TMEM74: variants seen among roughly 807,000 people sequenced by gnomAD.
TMEM74 encodes transmembrane protein 74.
Under a neutral mutation model 18.1 loss-of-function variants are expected in TMEM74, and 13 were observed. That is an observed-to-expected ratio of 0.72 (90% CI 0.47 to 1.14). The LOEUF is 1.14. Ranked by LOEUF, TMEM74 falls within the 50% of genes most tolerant of loss-of-function variation. The probability of loss-of-function intolerance (pLI) is 0.00; values close to 1 mark genes in which losing one functional copy is unlikely to be tolerated. For synonymous variants in TMEM74, 159 were observed against 146.6 expected (o/e 1.08, Z -0.61); for missense variants, 372 against 375.9 (o/e 0.99, Z 0.09).
Position 108,670,612 on chromosome 8 carries a change from A to G in TMEM74, n.120-15175T>C, listed in dbSNP as rs574434662. On this transcript the variant is annotated intron_variant and non_coding_transcript_variant, in intron 1 of 3. Coordinates refer to the TMEM74 transcript ENST00000518838. ...CTCAACTCCCCACAAGATCTTTAAT[A>G]AAACTGGCTCTTCAGAAACAGATTA... 1.4e-3 allele frequency among the ~76,000 whole-genome samples: 210 copies of G among 152,312 alleles called. 1 individual carries two copies. Among genetic ancestry groups the G allele is most frequent in the Admixed American group, 1.7e-3 (26 of 15,274 alleles).
chr8:108,708,879 A>G (rs1014034640), intron 1 of TMEM74, among the ~76,000 whole-genome samples: 2 of 151,562 alleles, frequency 1.3e-5, no homozygotes, highest in Non-Finnish European at 2.9e-5. Flanking sequence ...ACTTGAACAG[A>G]CATTTCTCCA....
intron 2 of TMEM74, among the ~76,000 whole-genome samples, chr8:108,647,258 A>G (rs752076143): frequency 3.3e-5 from 5 of 152,160 alleles, no homozygotes; most frequent in Non-Finnish European, 7.4e-5. Context: ...TTGAAGAAAT[A>G]TCAGTCAAGT....
intron 1 of TMEM74, among the ~76,000 whole-genome samples, chr8:108,759,402 C>A (rs189076873): frequency 1.2e-3 from 182 of 152,050 alleles, no homozygotes; most frequent in Admixed American, 3.9e-3. Flanking sequence ...GTAATTTATT[C>A]TATGAATATA....
intron 1 of TMEM74, 110 bp downstream of exon 1, chr8:108,787,366 C>T (rs57960607): frequency 0.019 from 2,891 of 152,368 alleles, 62 homozygotes; most frequent in African/African-American, 0.045. Context: ...CCGCCTAGTA[C>T]TCGGAGACGA....
At chr8:108,711,047 CTTAT>C (rs1339079427) in intron 1 of TMEM74, among the ~76,000 whole-genome samples, 2 of 152,206 alleles carry the variant, frequency 1.3e-5, no homozygotes, top group African/African-American at 2.4e-5. Context: ...TTACATTCCT[CTTAT>C]TTGTTTTTAC....
intron 1 of TMEM74, among the ~76,000 whole-genome samples, chr8:108,671,656 G>T (rs964177908): frequency 1.6e-4 from 25 of 152,162 alleles, no homozygotes; most frequent in African/African-American, 6.0e-4. Flanking sequence ...AGAGATTAGT[G>T]GTCTGGAAGT....
At chr8:108,633,863 A>C (rs1812579407) in intron 2 of TMEM74, among the ~76,000 whole-genome samples, 1 of 151,970 alleles carries the variant, frequency 6.6e-6, no homozygotes, top group South Asian at 2.1e-4. Flanking sequence ...ATGAGGCATA[A>C]ATTTTCTAAT....
chr8:108,705,250 T>C (rs1813385599), intron 1 of TMEM74, among the ~76,000 whole-genome samples: 1 of 152,152 alleles, frequency 6.6e-6, no homozygotes, highest in Non-Finnish European at 1.5e-5. Flanking sequence ...GACCTAAAAG[T>C]GTGATGGAAG....
At position 108,784,962 on chromosome 8, in the gene TMEM74, C is replaced by T; in HGVS notation, c.137G>A (p.Cys46Tyr). 6.2e-7 allele frequency: 1 copy of T among 1,614,104 alleles called. No individual in the cohort carries two copies. Reference sequence around the variant, plus strand: ...CTCGGTTGCTCTTGGGGTGGATGCACACTGTTTCTGACAGCAGAGAGCAGC... The same window carrying T: ...CTCGGTTGCTCTTGGGGTGGATGCATACTGTTTCTGACAGCAGAGAGCAGC... The part of the protein sequence containing the change: ...TRAALCCQKQ[C>Y]ASTPRATEME... The change falls in exon 2 of 2, where the codon TGT (cysteine) becomes TAT (tyrosine). Residue 46 changes from cysteine to tyrosine, a missense_variant. Cys to Tyr is a radical substitution (Grantham distance 194). Coordinates refer to ENST00000297459, the MANE Select transcript of TMEM74 (RefSeq NM_153015.3).
chr8:108,644,296 C>T (rs574551841), intron 2 of TMEM74, among the ~76,000 whole-genome samples: 1 of 152,116 alleles, frequency 6.6e-6, no homozygotes, highest in African/African-American at 2.4e-5. Flanking sequence ...AACTGGTCAG[C>T]CACATGCAGA....
intron 1 of TMEM74, among the ~76,000 whole-genome samples, chr8:108,717,415 G>A (rs987906921): frequency 1.1e-4 from 17 of 152,020 alleles, no homozygotes; most frequent in African/African-American, 4.1e-4. Context: ...CTACCATATG[G>A]AAGTTTCCTT....
At chr8:108,676,133 A>T (rs1813053934) in intron 1 of TMEM74, among the ~76,000 whole-genome samples, 1 of 152,172 alleles carries the variant, frequency 6.6e-6, no homozygotes, top group East Asian at 1.9e-4. Context: ...GGGGAAAGAT[A>T]TCAGGACTGG....
At chr8:108,674,903 A>C (rs1445834258) in intron 1 of TMEM74, among the ~76,000 whole-genome samples, 2 of 152,146 alleles carry the variant, frequency 1.3e-5, no homozygotes, top group African/African-American at 4.8e-5. Context: ...TGTCACTCAA[A>C]TATCTCAGTT....
chr8:108,723,063 C>T (rs1334869808), intron 1 of TMEM74, among the ~76,000 whole-genome samples: 1 of 152,162 alleles, frequency 6.6e-6, no homozygotes, highest in Non-Finnish European at 1.5e-5. Context: ...GCATCTCTTT[C>T]CTGGGCTGGG....
intron 1 of TMEM74, among the ~76,000 whole-genome samples, chr8:108,748,469 G>T (rs1040373869): frequency 6.6e-6 from 1 of 151,690 alleles, no homozygotes; most frequent in Non-Finnish European, 1.5e-5. Context: ...GATATTAGAC[G>T]TTTGTCACAT....
At chr8:108,737,731 T>A (rs1813762620) in intron 1 of TMEM74, among the ~76,000 whole-genome samples, 1 of 152,142 alleles carries the variant, frequency 6.6e-6, no homozygotes, top group Non-Finnish European at 1.5e-5. Context: ...AGACATGATA[T>A]AATAAAAATT....
chr8:108,736,556 A>G lies in TMEM74; in HGVS notation n.119+50920T>C, dbSNP rs1005930302. 2.0e-5 allele frequency among the ~76,000 whole-genome samples: 3 copies of G among 152,114 alleles called. No individual in the cohort carries two copies. The South Asian group carries it at 6.2e-4, about 31-fold the overall frequency. On this transcript the variant is annotated intron_variant and non_coding_transcript_variant, in intron 1 of 3. Transcript: ENST00000518838. ...AGGGAAATGCACAATATGCACACAT[A>G]CACATGTGAAACATTCAAACTAAGA...
intron 1 of TMEM74, among the ~76,000 whole-genome samples, chr8:108,726,490 A>G (rs1698002756): frequency 6.6e-6 from 1 of 152,212 alleles, no homozygotes; most frequent in South Asian, 2.1e-4. Context: ...CATTTTTGAA[A>G]TTGTGGAATG....
intron 2 of TMEM74, among the ~76,000 whole-genome samples, chr8:108,611,840 A>C (rs1156625810): frequency 6.6e-6 from 1 of 152,162 alleles, no homozygotes; most frequent in African/African-American, 2.4e-5. Flanking sequence ...TCACACTGCT[A>C]TGAAGAAATA....
Sources: gnomAD v4.1 joint callset for allele counts (sites outside exome capture counted in the v4.1 genomes callset) on GRCh38, gnomAD v4.1.1 for gene constraint, MANE v1.5 for transcripts, NCBI Gene and HGNC (gene_info 2026-07-23, HGNC 2026-07-21) for gene names.